ZNF521: variants seen among roughly 807,000 people sequenced by gnomAD.
The protein encoded by ZNF521 is zinc finger protein 521.
Under a neutral mutation model 105.5 loss-of-function variants are expected in ZNF521, and 14 were observed. The ratio of observed to expected loss-of-function variants is 0.13; its 90% CI spans 0.09 to 0.21. The LOEUF (loss-of-function observed/expected upper bound fraction) is 0.21. ZNF521 is among the 10% of genes least tolerant of loss of function. ZNF521 has a pLI of 1.00. For synonymous variants in ZNF521, 635 were observed against 606.0 expected, an observed-to-expected ratio of 1.05 and a Z score of -0.70; for missense variants, 1,233 against 1,629.7, an observed-to-expected ratio of 0.76 and a Z score of 4.19.
At chr18:25,266,245 T>C (rs1909243374) in intron 3 of ZNF521, among the ~76,000 whole-genome samples, 2 of 152,224 alleles carry the variant, frequency 1.3e-5, no homozygotes. Context: ...GGATGCCCCA[T>C]TCTTCATGAT....
intron 5 of ZNF521, among the ~76,000 whole-genome samples, chr18:25,171,528 C>A (rs907365669): frequency 6.6e-6 from 1 of 152,094 alleles, no homozygotes; most frequent in African/African-American, 2.4e-5. Flanking sequence ...GATTTATAAT[C>A]TTTTCCAAAA....
At chr18:25,277,916 T>C (rs893659158) in intron 3 of ZNF521, among the ~76,000 whole-genome samples, 13 of 152,120 alleles carry the variant, frequency 8.5e-5, no homozygotes, top group Non-Finnish European at 1.9e-4. Flanking sequence ...TTAAAATTAA[T>C]GTACTGGTAG....
At chr18:25,329,595 C>T (rs553011687) in intron 2 of ZNF521, among the ~76,000 whole-genome samples, 1 of 152,120 alleles carries the variant, frequency 6.6e-6, no homozygotes, top group African/African-American at 2.4e-5. Context: ...TGTTGCTATT[C>T]AAAATGGGGG....
intron 4 of ZNF521, among the ~76,000 whole-genome samples, chr18:25,215,362 T>A (rs1166459176): frequency 6.6e-6 from 1 of 152,202 alleles, no homozygotes; most frequent in Non-Finnish European, 1.5e-5. Context: ...ACTAGAAAAC[T>A]ACATCTACAT....
At chr18:25,288,638 G>A (rs796101738) in intron 3 of ZNF521, among the ~76,000 whole-genome samples, 4 of 150,236 alleles carry the variant, frequency 2.7e-5, no homozygotes, top group African/African-American at 9.8e-5. Context: ...CATTGCCCTG[G>A]AGAGAATTAA....
At chr18:25,208,840 T>G (rs1346763226) in intron 4 of ZNF521, among the ~76,000 whole-genome samples, 1 of 152,182 alleles carries the variant, frequency 6.6e-6, no homozygotes, top group Non-Finnish European at 1.5e-5. Flanking sequence ...CACACACCAC[T>G]GAACCCATTA....
chr18:25,089,353 G>A, intron 7 of ZNF521, 112 bp downstream of exon 7: 3 of 783,358 alleles, frequency 3.8e-6, no homozygotes, highest in Non-Finnish European at 6.3e-6. Flanking sequence ...TACACACAAA[G>A]CATCATGGTG....
chr18:25,272,971 A>C (rs940048611), intron 3 of ZNF521, among the ~76,000 whole-genome samples: 1 of 152,018 alleles, frequency 6.6e-6, no homozygotes, highest in Non-Finnish European at 1.5e-5. Flanking sequence ...TCACGCCTGT[A>C]ATCCCAGCAC....
At chr18:25,152,365 G>C (rs1383955044) in intron 5 of ZNF521, among the ~76,000 whole-genome samples, 2 of 151,850 alleles carry the variant, frequency 1.3e-5, no homozygotes, top group Admixed American at 1.3e-4. Context: ...TGTGGTCCCA[G>C]CTACTCGGGA....
chr18:25,297,724 TAGAA>T (rs931577202), intron 3 of ZNF521, among the ~76,000 whole-genome samples: 4 of 152,088 alleles, frequency 2.6e-5, no homozygotes, highest in African/African-American at 9.7e-5. Flanking sequence ...AAAGTGCAAA[TAGAA>T]AGAAATAAAC....
chr18:25,226,430 G>C lies in ZNF521; in HGVS notation c.1488C>G (p.Ile496Met). 2 of 1,614,164 alleles carry C rather than the reference G, an allele frequency of 1.2e-6. No individual in the cohort carries two copies. The highest frequency in any genetic ancestry group is 1.7e-6 in the Non-Finnish European group (2 of 1,180,018). ...GGTTTGCAAATCCATGAGAACATCG[G>C]ATGTGTTCCTGAAGAGTGTTGAGGT... ...VNDLNTLQEHIRCSHGFANPA... is the reference protein window; with the variant it reads ...VNDLNTLQEHMRCSHGFANPA... The change falls in exon 4 of 8, where the codon ATC (isoleucine) becomes ATG (methionine). Residue 496 changes from isoleucine to methionine, a missense_variant. This residue lies in a region of ZNF521 where 380 missense variants were observed against 478.0 expected (regional missense o/e 0.80). Coordinates refer to ENST00000361524, the MANE Select transcript of ZNF521 (RefSeq NM_015461.3). The surrounding 1 kb of genome is among the most constrained non-coding windows in gnomAD (Gnocchi z 4.1).
intron 7 of ZNF521, among the ~76,000 whole-genome samples, chr18:25,075,737 A>G (rs746488938): frequency 3.9e-5 from 6 of 152,226 alleles, no homozygotes; most frequent in Non-Finnish European, 7.3e-5. Context: ...GAAAACAATA[A>G]TAAGGGTTAA....
chr18:25,247,299 T>C (rs531271410), intron 3 of ZNF521, among the ~76,000 whole-genome samples: 6 of 152,294 alleles, frequency 3.9e-5, no homozygotes, highest in South Asian at 2.1e-4. Context: ...GAAAACAATC[T>C]TGTCGAACAT....
intron 7 of ZNF521, among the ~76,000 whole-genome samples, chr18:25,086,763 T>G (rs1599994314): frequency 6.6e-6 from 1 of 152,284 alleles, no homozygotes; most frequent in South Asian, 2.1e-4. Context: ...ACAGAGTAAG[T>G]CTCTGTTTGG....
At chr18:25,117,090 C>CAAAA (rs56408075) in intron 5 of ZNF521, among the ~76,000 whole-genome samples, 1 of 143,004 alleles carries the variant, frequency 7.0e-6, no homozygotes, top group Non-Finnish European at 1.5e-5. Context: ...CACATACACA[C>CAAAA]ATCCTTAATT....
At chr18:25,196,360 C>A (rs1349366810) in intron 4 of ZNF521, among the ~76,000 whole-genome samples, 1 of 151,410 alleles carries the variant, frequency 6.6e-6, no homozygotes, top group Non-Finnish European at 1.5e-5. Flanking sequence ...TAAGGAAATA[C>A]CAGCCTGTAA....
chr18:25,315,251 C>T (rs1912538267), intron 3 of ZNF521, among the ~76,000 whole-genome samples: 1 of 152,160 alleles, frequency 6.6e-6, no homozygotes, highest in African/African-American at 2.4e-5. Flanking sequence ...AGGTGGTTTC[C>T]ATCTATTGCT....
At chr18:25,074,585 G>A (rs1022419474) in intron 7 of ZNF521, among the ~76,000 whole-genome samples, 3 of 152,148 alleles carry the variant, frequency 2.0e-5, no homozygotes, top group Non-Finnish European at 2.9e-5. Context: ...ATGGTTGGGT[G>A]CATTTCCTAT....
At chr18:25,328,402 AACACACACACACACACAC>A (rs57967888) in intron 2 of ZNF521, among the ~76,000 whole-genome samples, 17 of 141,768 alleles carry the variant, frequency 1.2e-4, no homozygotes, top group East Asian at 4.3e-4. Context: ...GGGGAGGTTA[AACACACACACACACACAC>A]ACACACACAC....
Sources: gnomAD v4.1 joint callset for allele counts (sites outside exome capture counted in the v4.1 genomes callset) on GRCh38, gnomAD v4.1.1 for gene constraint, gnomAD v4.1.1 regional missense constraint, Gnocchi (gnomAD v3.1) non-coding constraint, MANE v1.5 for transcripts, NCBI Gene and HGNC (gene_info 2026-07-23, HGNC 2026-07-21) for gene names.